Variants in THSD4 observed in about 807,000 individuals in gnomAD.
The protein encoded by THSD4 is thrombospondin type 1 domain containing 4, also known as thrombospondin type-1 domain-containing protein 4.
THSD4 carries 69 observed loss-of-function variants against 119.0 expected under a neutral mutation model. That is an observed-to-expected ratio of 0.58 (90% CI 0.48 to 0.71). The LOEUF (loss-of-function observed/expected upper bound fraction) is 0.71. Among genes scored for constraint, THSD4 ranks in the 30% least tolerant of loss-of-function variants. The pLI is 0.00. For missense variants in THSD4, 1,393 were observed against 1,391.1 expected, an observed-to-expected ratio of 1.00 and a Z score of -0.02; for synonymous variants, 524 against 540.4, an observed-to-expected ratio of 0.97 and a Z score of 0.42.
At chr15:71,602,709 G>C (rs899823597) in intron 7 of THSD4, among the ~76,000 whole-genome samples, 3 of 152,184 alleles carry the variant, frequency 2.0e-5, no homozygotes, top group African/African-American at 7.2e-5. Context: ...TGGCTGCCAG[G>C]GGCTGGGAGT....
chr15:71,378,121 T>G (rs1473023175), intron 6 of THSD4, among the ~76,000 whole-genome samples: 1 of 152,220 alleles, frequency 6.6e-6, no homozygotes, highest in East Asian at 1.9e-4. Context: ...GTAGATATCT[T>G]TATTTTGATT....
At chr15:71,196,064 C>T (rs147599011) in intron 3 of THSD4, among the ~76,000 whole-genome samples, 95 of 152,198 alleles carry the variant, frequency 6.2e-4, no homozygotes, top group African/African-American at 2.2e-3. Context: ...AGGTGAGGGC[C>T]TTCTTGCTGC....
intron 8 of THSD4, among the ~76,000 whole-genome samples, chr15:71,685,452 A>G (rs1175786958): frequency 2.6e-5 from 4 of 152,270 alleles, no homozygotes; most frequent in African/African-American, 7.2e-5. Context: ...AACTCACTAT[A>G]TAATACAGTA....
intron 7 of THSD4, among the ~76,000 whole-genome samples, chr15:71,434,644 G>A (rs1367212883): frequency 6.6e-6 from 1 of 151,910 alleles, no homozygotes; most frequent in East Asian, 1.9e-4. Context: ...CCAGGGGTTT[G>A]AGAAAAGGGA....
chr15:71,735,816 C>G (rs543545122), intron 10 of THSD4, among the ~76,000 whole-genome samples: 1 of 151,478 alleles, frequency 6.6e-6, no homozygotes, highest in African/African-American at 2.4e-5. Context: ...GTCTCTATCT[C>G]TCTGTCTCTC....
chr15:71,148,558 T>A (rs1182781091), intron 2 of THSD4, among the ~76,000 whole-genome samples: 1 of 152,228 alleles, frequency 6.6e-6, no homozygotes, highest in Non-Finnish European at 1.5e-5. Context: ...GCTTCATTTA[T>A]TTTGAAATTT....
chr15:71,364,896 TG>T (rs1422859215), intron 6 of THSD4, among the ~76,000 whole-genome samples: 7 of 152,204 alleles, frequency 4.6e-5, no homozygotes, highest in Admixed American at 4.6e-4. Flanking sequence ...TGTGAATTAA[TG>T]GTTTTTTAAA....
chr15:71,524,767 T>A, intron 7 of THSD4, among the ~76,000 whole-genome samples: 1 of 55,234 alleles, frequency 1.8e-5, no homozygotes, highest in African/African-American at 3.6e-5. Context: ...CGGCTAATTT[T>A]TTTTTTTTTT....
chr15:71,444,885 A>T (rs1173953450), intron 7 of THSD4, among the ~76,000 whole-genome samples: 1 of 152,140 alleles, frequency 6.6e-6, no homozygotes, highest in East Asian at 1.9e-4. Flanking sequence ...CTAAAATATA[A>T]ATTATTCCCC....
At position 71,614,771 on chromosome 15, in the gene THSD4, A is replaced by G. The variant is rs924337621; in HGVS notation, c.1153-45759A>G. Among the ~76,000 whole-genome samples, 7 of 152,224 alleles carry G rather than the reference A, an allele frequency of 4.6e-5. No individual in the cohort carries two copies. The East Asian group carries it at 1.3e-3, about 29-fold the overall frequency. On this transcript the variant is annotated intron_variant, in intron 7 of 17. Coordinates refer to ENST00000261862, the MANE Select transcript of THSD4 (RefSeq NM_024817.3). ...GAGATGAAGCATATGTAATGTTCAA[A>G]GAGAGCAGCAACGGAATACAAGGAA... is the stretch of plus-strand genomic sequence containing the variant.
chr15:71,194,925 C>G (rs906387090), intron 3 of THSD4, among the ~76,000 whole-genome samples: 1 of 152,060 alleles, frequency 6.6e-6, no homozygotes, highest in Non-Finnish European at 1.5e-5. Context: ...CGGCGGCCAC[C>G]AGAGAAGCAG....
At chr15:71,485,003 C>T (rs748991816) in intron 7 of THSD4, among the ~76,000 whole-genome samples, 3 of 152,176 alleles carry the variant, frequency 2.0e-5, no homozygotes, top group Non-Finnish European at 4.4e-5. Context: ...ACATTTAAAC[C>T]ATTTTGTGTC....
rs1382031788 is a variant in THSD4, at chr15:71,214,288, C to T, written c.100-747C>T. Among the ~76,000 whole-genome samples the T allele has an allele frequency of 4.6e-5, 7 of 152,208 alleles. No individual in the cohort carries two copies. The South Asian group carries it at 6.2e-4, about 14-fold the overall frequency. On this transcript the variant is annotated intron_variant, in intron 3 of 17. Coordinates refer to ENST00000261862, the MANE Select transcript of THSD4 (RefSeq NM_024817.3). ...CCTCCAGTCCCTCCCAGCCAGCAGC[C>T]GCAACTTGCTGAGGTATCTTTGTAT...
At chr15:71,556,230 C>T (rs2049014066) in intron 7 of THSD4, among the ~76,000 whole-genome samples, 1 of 152,120 alleles carries the variant, frequency 6.6e-6, no homozygotes, top group Admixed American at 6.5e-5. Context: ...TATGAGAACA[C>T]TAAAATCATT....
chr15:71,258,511 C>T (rs749291381), intron 6 of THSD4, among the ~76,000 whole-genome samples: 1 of 152,076 alleles, frequency 6.6e-6, no homozygotes, highest in Non-Finnish European at 1.5e-5. Flanking sequence ...TAACATTATG[C>T]GAAGCTGGGT....
chr15:71,438,126 C>T (rs982900151), intron 7 of THSD4, among the ~76,000 whole-genome samples: 1 of 152,266 alleles, frequency 6.6e-6, no homozygotes, highest in East Asian at 1.9e-4. Context: ...GTGCAGTGCC[C>T]TCCTCGCCCT....
At chr15:71,267,942 G>A (rs796151456) in intron 6 of THSD4, among the ~76,000 whole-genome samples, 2 of 152,166 alleles carry the variant, frequency 1.3e-5, no homozygotes, top group Non-Finnish European at 2.9e-5. Flanking sequence ...CAATACAGGA[G>A]CATCCAGATT....
chr15:71,549,770 G>A (rs1194145996), intron 7 of THSD4: 1 of 152,336 alleles, frequency 6.6e-6, no homozygotes, highest in African/African-American at 2.4e-5. Context: ...GGAGGGCTGT[G>A]TTCTCCACGT....
At chr15:71,473,845 C>T (rs1464353598) in intron 7 of THSD4, among the ~76,000 whole-genome samples, 1 of 152,206 alleles carries the variant, frequency 6.6e-6, no homozygotes, top group Non-Finnish European at 1.5e-5. Context: ...TGGAAGTGAC[C>T]AGCATAGTCA....
Sources: allele counts gnomAD v4.1 joint callset (sites outside exome capture counted in the v4.1 genomes callset), GRCh38; gene constraint gnomAD v4.1.1; transcripts MANE v1.5; gene names NCBI Gene and HGNC (gene_info 2026-07-23, HGNC 2026-07-21).